Variants in KCND2 observed in about 807,000 individuals in gnomAD.
KCND2 encodes the protein potassium voltage-gated channel subfamily D member 2.
A neutral mutation model predicts 54.4 loss-of-function variants in KCND2; 16 were observed. The ratio of observed to expected loss-of-function variants is 0.29; its 90% CI spans 0.20 to 0.45. KCND2 has a LOEUF of 0.45. KCND2 is among the 20% of genes least tolerant of loss of function. The pLI is 1.00. For synonymous variants in KCND2, 317 were observed against 310.7 expected (o/e 1.02, Z -0.21); for missense variants, 486 against 824.2 (o/e 0.59, Z 5.02).
chr7:120,432,833 C>T (rs1175721513), intron 1 of KCND2, among the ~76,000 whole-genome samples: 1 of 152,138 alleles, frequency 6.6e-6, no homozygotes, highest in African/African-American at 2.4e-5. Flanking sequence ...CATCTGCAGT[C>T]TCTTCCTTTT....
chr7:120,593,930 T>C (rs1792701632), intron 1 of KCND2, among the ~76,000 whole-genome samples: 1 of 152,204 alleles, frequency 6.6e-6, no homozygotes, highest in African/African-American at 2.4e-5. Context: ...TTGACCACCA[T>C]GTCCTGCTGC....
intron 1 of KCND2, among the ~76,000 whole-genome samples, chr7:120,661,055 A>G (rs991068867): frequency 6.6e-6 from 1 of 152,158 alleles, no homozygotes; most frequent in Non-Finnish European, 1.5e-5. Flanking sequence ...CTGAGCTTTT[A>G]GAGTACCCAT....
intron 1 of KCND2, among the ~76,000 whole-genome samples, chr7:120,396,216 A>G (rs1429072779): frequency 2.0e-5 from 3 of 152,062 alleles, no homozygotes; most frequent in African/African-American, 7.2e-5. Flanking sequence ...TTTGACCTAA[A>G]CATATATCCT....
At chr7:120,691,972 G>T (rs750017754) in intron 1 of KCND2, among the ~76,000 whole-genome samples, 4 of 152,162 alleles carry the variant, frequency 2.6e-5, no homozygotes, top group Non-Finnish European at 5.9e-5. Context: ...TGGGTCAAGG[G>T]AGAGGAGCAC....
At chr7:120,621,276 CAAAAAAAAAA>C (rs1175736454) in intron 1 of KCND2, among the ~76,000 whole-genome samples, 3 of 47,192 alleles carry the variant, frequency 6.4e-5, no homozygotes, top group African/African-American at 2.1e-4. Flanking sequence ...GACTCCGTCT[CAAAAAAAAAA>C]AAAAAAAAAA....
intron 1 of KCND2, among the ~76,000 whole-genome samples, chr7:120,289,458 C>T (rs999165090): frequency 3.9e-5 from 6 of 152,014 alleles, no homozygotes; most frequent in African/African-American, 1.4e-4. Flanking sequence ...GAACAAACAA[C>T]AATAGAACAT....
chr7:120,621,681 T>C (rs1044500133), intron 1 of KCND2, among the ~76,000 whole-genome samples: 1 of 152,228 alleles, frequency 6.6e-6, no homozygotes, highest in African/African-American at 2.4e-5. Context: ...TAAACTTTGC[T>C]GTCACCAAGT....
intron 1 of KCND2, among the ~76,000 whole-genome samples, chr7:120,304,273 T>G (rs1462252837): frequency 6.6e-6 from 1 of 152,088 alleles, no homozygotes; most frequent in East Asian, 1.9e-4. Context: ...AACAAATATA[T>G]AGGAAGGGGA....
At chr7:120,544,981 A>T (rs1274303826) in intron 1 of KCND2, among the ~76,000 whole-genome samples, 1 of 151,938 alleles carries the variant, frequency 6.6e-6, no homozygotes, top group African/African-American at 2.4e-5. Flanking sequence ...AACCTCTGAG[A>T]ATATTCAGTA....
At chr7:120,640,494 T>C (rs1034198777) in intron 1 of KCND2, among the ~76,000 whole-genome samples, 7 of 152,156 alleles carry the variant, frequency 4.6e-5, no homozygotes, top group African/African-American at 1.7e-4. Context: ...TCAACGTGCA[T>C]TTCCGTAAAG....
rs370527455 is a variant in KCND2 at position 120,741,644 on chromosome 7, A to C, written c.1374+15A>C. On this transcript the variant is annotated intron_variant, in intron 3 of 5. Coordinates refer to ENST00000331113, the MANE Select transcript of KCND2 (RefSeq NM_012281.3). ...ATCAGCTGCAGGTACAATCAATTAC[A>C]TCTCTTTTTTTAATGTTCAATTTCT... 5 of 1,552,350 alleles carry C rather than the reference A, an allele frequency of 3.2e-6. No individual in the cohort carries two copies. The African/African-American group carries it at 6.8e-5, about 21-fold the overall frequency.
At chr7:120,283,250 A>G (rs1799291511) in intron 1 of KCND2, among the ~76,000 whole-genome samples, 1 of 152,140 alleles carries the variant, frequency 6.6e-6, no homozygotes, top group Non-Finnish European at 1.5e-5. Context: ...AGCAAATGGA[A>G]TCTGAAAAGT....
At chr7:120,649,716 G>A (rs1326149758) in intron 1 of KCND2, among the ~76,000 whole-genome samples, 1 of 152,100 alleles carries the variant, frequency 6.6e-6, no homozygotes, top group Non-Finnish European at 1.5e-5. Flanking sequence ...TGTAGGGATG[G>A]TCTTTACAAT....
chr7:120,718,746 T>C (rs1398270021), intron 1 of KCND2, among the ~76,000 whole-genome samples: 1 of 152,158 alleles, frequency 6.6e-6, no homozygotes, highest in Non-Finnish European at 1.5e-5. Flanking sequence ...TCACTTAGGC[T>C]TGAAGAGAGT....
chr7:120,518,595 C>T (rs933233888), intron 1 of KCND2, among the ~76,000 whole-genome samples: 1 of 151,836 alleles, frequency 6.6e-6, no homozygotes, highest in South Asian at 2.1e-4. Flanking sequence ...TTTATAAACA[C>T]GTTGATATGA....
intron 1 of KCND2, among the ~76,000 whole-genome samples, chr7:120,322,995 T>G (rs1366132745): frequency 6.6e-6 from 1 of 152,170 alleles, no homozygotes; most frequent in East Asian, 1.9e-4. Flanking sequence ...CAATGATGTT[T>G]TGTTTTTAAG....
intron 1 of KCND2, among the ~76,000 whole-genome samples, chr7:120,641,851 A>T (rs1319997927): frequency 6.9e-6 from 1 of 145,040 alleles, no homozygotes; most frequent in Non-Finnish European, 1.5e-5. Context: ...AAGCATAAAA[A>T]GATAATAAAA....
chr7:120,689,528 C>T (rs1054303674), intron 1 of KCND2, among the ~76,000 whole-genome samples: 5 of 152,142 alleles, frequency 3.3e-5, no homozygotes, highest in African/African-American at 9.7e-5. Context: ...TTGAAATACA[C>T]ATAACAAACC....
At chr7:120,515,477 A>T (rs2116338259) in intron 1 of KCND2, among the ~76,000 whole-genome samples, 1 of 152,230 alleles carries the variant, frequency 6.6e-6, no homozygotes, top group Admixed American at 6.5e-5. Flanking sequence ...AAGAAATAGT[A>T]GTTGCAAGAA....
Sources: gnomAD v4.1 joint callset for allele counts (sites outside exome capture counted in the v4.1 genomes callset) on GRCh38, gnomAD v4.1.1 for gene constraint, MANE v1.5 for transcripts, NCBI Gene and HGNC (gene_info 2026-07-23, HGNC 2026-07-21) for gene names.